The following LCORL variants were observed in gnomAD, a reference collection of about 807,000 sequenced individuals.
The protein encoded by LCORL is ligand dependent nuclear receptor corepressor like.
In LCORL, 41 loss-of-function variants were observed where a neutral mutation model predicts 141.8. The observed-to-expected ratio is 0.29, with a 90% CI of 0.23 to 0.38. LCORL has a LOEUF of 0.38. Among genes scored for constraint, LCORL ranks in the 10% least tolerant of loss-of-function variants. LCORL has a pLI of 1.00. For synonymous variants in LCORL, 618 were observed against 694.1 expected (o/e 0.89, Z 1.72); for missense variants, 1,759 against 2,035.0 (o/e 0.86, Z 2.61).
intron 1 of LCORL, among the ~76,000 whole-genome samples, chr4:17,991,150 C>T (rs1719947413): frequency 6.6e-6 from 1 of 151,956 alleles, no homozygotes; most frequent in Admixed American, 6.5e-5. Flanking sequence ...TAAGTTAGTC[C>T]TAGTTTACCT....
chr4:17,851,475 A>G (rs962420392), intron 7 of LCORL, among the ~76,000 whole-genome samples: 1 of 152,108 alleles, frequency 6.6e-6, no homozygotes, highest in African/African-American at 2.4e-5. Context: ...ACTGTTCTGT[A>G]TCTTGCTTTA....
At chr4:18,015,247 C>T (rs913127190) in intron 1 of LCORL, among the ~76,000 whole-genome samples, 4 of 152,238 alleles carry the variant, frequency 2.6e-5, no homozygotes, top group Admixed American at 2.0e-4. Flanking sequence ...CAGGAAGCAG[C>T]GCACCCATGT....
At chr4:17,931,601 G>A (rs1438179952) in intron 4 of LCORL, among the ~76,000 whole-genome samples, 1 of 151,866 alleles carries the variant, frequency 6.6e-6, no homozygotes, top group African/African-American at 2.4e-5. Context: ...TATTAATACT[G>A]CAGGTAAATA....
chr4:17,931,904 C>G (rs1736101552), intron 4 of LCORL, among the ~76,000 whole-genome samples: 1 of 152,072 alleles, frequency 6.6e-6, no homozygotes, highest in South Asian at 2.1e-4. Flanking sequence ...TGGGTTAATT[C>G]TGTGTATTTG....
intron 7 of LCORL, among the ~76,000 whole-genome samples, chr4:17,861,299 T>G (rs902843362): frequency 1.3e-5 from 2 of 152,192 alleles, no homozygotes; most frequent in African/African-American, 2.4e-5. Context: ...TTGACTTCTG[T>G]GCACCCACAG....
chr4:17,877,123 A>C, exon 7 of LCORL: 2 of 1,230,934 alleles, frequency 1.6e-6, no homozygotes, highest in Non-Finnish European at 2.0e-6. Flanking sequence ...TGCCTTCTAA[A>C]CATGGGTGAA....
At chr4:17,915,709 T>C (rs761837829) in intron 4 of LCORL, among the ~76,000 whole-genome samples, 10 of 152,156 alleles carry the variant, frequency 6.6e-5, no homozygotes, top group Admixed American at 1.3e-4. Context: ...TTCAGTAACT[T>C]AGGAAGTAGA....
intron 4 of LCORL, among the ~76,000 whole-genome samples, chr4:17,941,534 T>C (rs985767807): frequency 6.6e-6 from 1 of 152,060 alleles, no homozygotes; most frequent in Admixed American, 6.6e-5. Flanking sequence ...TCTCAGACAT[T>C]CCACTCCCAT....
chr4:17,849,213 C>T (rs372218192), intron 7 of LCORL, among the ~76,000 whole-genome samples: 6 of 152,200 alleles, frequency 3.9e-5, no homozygotes, highest in East Asian at 3.9e-4. Context: ...GATCTGAGAA[C>T]GGGCAGACTG....
chr4:17,881,142 G>A (rs978342466), intron 6 of LCORL: 1 of 981,042 alleles, frequency 1.0e-6, no homozygotes, highest in South Asian at 4.7e-5. Flanking sequence ...CAGAGGCACT[G>A]TTTTCTCTTT....
At chr4:17,957,728 GA>G (rs1206854040) in intron 4 of LCORL, among the ~76,000 whole-genome samples, 1 of 151,932 alleles carries the variant, frequency 6.6e-6, no homozygotes, top group Non-Finnish European at 1.5e-5. Flanking sequence ...AAGAAAAGAA[GA>G]AAAATCTTTT....
At chr4:18,015,182 A>T (rs980630334) in intron 1 of LCORL, among the ~76,000 whole-genome samples, 1 of 152,194 alleles carries the variant, frequency 6.6e-6, no homozygotes, top group African/African-American at 2.4e-5. Flanking sequence ...AAAGTCAGAC[A>T]AATGAGAGGA....
intron 6 of LCORL, among the ~76,000 whole-genome samples, chr4:17,878,422 C>A (rs1021521223): frequency 6.6e-6 from 1 of 151,382 alleles, no homozygotes; most frequent in Admixed American, 6.6e-5. Flanking sequence ...TAAGTCAAAG[C>A]AAAGCCCTAT....
intron 4 of LCORL, among the ~76,000 whole-genome samples, chr4:17,928,803 T>C (rs1735561012): frequency 6.6e-6 from 1 of 152,302 alleles, no homozygotes; most frequent in South Asian, 2.1e-4. Context: ...ACTCTCTTTT[T>C]ATAGAAATAA....
At chr4:17,943,635 T>C (rs1738338213) in intron 4 of LCORL, among the ~76,000 whole-genome samples, 2 of 152,182 alleles carry the variant, frequency 1.3e-5, no homozygotes, top group African/African-American at 4.8e-5. Context: ...AAAGAATAAA[T>C]ACAAAATCAA....
rs573973223 is a variant in LCORL at position 17,893,362 on chromosome 4, T to C, written c.683-7201A>G. ...ACAATATGTGATCCTTCCATACTAT[T>C]GAGCTAAGTAAATGAATTTAAGTAT... is the stretch of plus-strand genomic sequence containing the variant. On this transcript the variant is annotated intron_variant, in intron 5 of 7. Transcript: ENST00000635767. The C allele has an allele frequency of 1.3e-4, 121 of 949,990 alleles. No individual in the cohort carries two copies. In the South Asian group the frequency reaches 4.0e-3, roughly 32 times the overall value. The allele number at this position is 949,990 out of a possible 1,614,324, so 58.8% of individuals were successfully genotyped here.
intron 4 of LCORL, chr4:17,912,515 C>A: frequency 2.0e-6 from 1 of 490,356 alleles, no homozygotes; most frequent in South Asian, 1.6e-5. Flanking sequence ...CTGGTCTCAG[C>A]AGATTGAGGA....
At chr4:17,862,918 G>T (rs1333741536) in intron 7 of LCORL, among the ~76,000 whole-genome samples, 1 of 152,144 alleles carries the variant, frequency 6.6e-6, no homozygotes, top group African/African-American at 2.4e-5. Context: ...ACAGACAACT[G>T]ACAGAATGGG....
intron 7 of LCORL, among the ~76,000 whole-genome samples, chr4:17,861,634 A>G (rs1420896759): frequency 6.6e-6 from 1 of 152,150 alleles, no homozygotes; most frequent in East Asian, 1.9e-4. Flanking sequence ...ATTTCTCCTC[A>G]GAAAATGGGT....
Sources: allele counts gnomAD v4.1 joint callset (sites outside exome capture counted in the v4.1 genomes callset), GRCh38; gene constraint gnomAD v4.1.1; transcripts MANE v1.5; gene names NCBI Gene and HGNC (gene_info 2026-07-23, HGNC 2026-07-21).